CHST11: variants seen among roughly 807,000 people sequenced by gnomAD.
CHST11 encodes carbohydrate sulfotransferase 11.
Under a neutral mutation model 30.4 loss-of-function variants are expected in CHST11, and 9 were observed. The ratio of observed to expected loss-of-function variants is 0.30; its 90% CI spans 0.18 to 0.52. CHST11 has a LOEUF of 0.52. Among genes scored for constraint, CHST11 ranks in the 20% least tolerant of loss-of-function variants. CHST11 has a pLI of 0.97. For synonymous variants in CHST11, 152 were observed against 187.8 expected (o/e 0.81, Z 1.56); for missense variants, 348 against 460.6 (o/e 0.76, Z 2.24).
At chr12:104,695,972 CACTTTG>C (rs2039940639) in intron 2 of CHST11, among the ~76,000 whole-genome samples, 1 of 152,224 alleles carries the variant, frequency 6.6e-6, no homozygotes, top group African/African-American at 2.4e-5. Context: ...CTCCCACCCC[CACTTTG>C]GCAGGGCTGC....
intron 2 of CHST11, among the ~76,000 whole-genome samples, chr12:104,747,181 G>C (rs889894512): frequency 2.0e-5 from 3 of 152,228 alleles, no homozygotes; most frequent in Non-Finnish European, 4.4e-5. Context: ...CTAGGGTTGA[G>C]ACCCACGCCT....
chr12:104,510,336 GC>G (rs1453556376), intron 1 of CHST11, among the ~76,000 whole-genome samples: 1 of 152,194 alleles, frequency 6.6e-6, no homozygotes, highest in African/African-American at 2.4e-5. Flanking sequence ...CTAAAAGGGG[GC>G]CCTTGAACCA....
intron 2 of CHST11, among the ~76,000 whole-genome samples, chr12:104,736,760 C>G (rs547236420): frequency 4.6e-5 from 7 of 152,316 alleles, no homozygotes; most frequent in African/African-American, 1.7e-4. Flanking sequence ...TGAACTCCAT[C>G]CAGGTGTCCA....
intron 1 of CHST11, among the ~76,000 whole-genome samples, chr12:104,563,598 C>A (rs900978137): frequency 4.6e-5 from 7 of 152,176 alleles, no homozygotes; most frequent in African/African-American, 1.7e-4. Flanking sequence ...GTCATAATAG[C>A]CTTTTCATCC....
chr12:104,663,620 G>C lies in CHST11; in HGVS notation c.204+61629G>C, dbSNP rs78899735. On this transcript the variant is annotated intron_variant, in intron 2 of 2. Transcript: ENST00000303694. ...ACATTCAACTGCTTTGCTTAGACTGGTGTTCAAAGGGGGCTCATACAGACC... is the reference window on the plus strand; with the variant it reads ...ACATTCAACTGCTTTGCTTAGACTGCTGTTCAAAGGGGGCTCATACAGACC... 7.0e-3 allele frequency among the ~76,000 whole-genome samples: 1,065 copies of C among 152,178 alleles called. 41 individuals are homozygous for C. In the East Asian group the frequency reaches 0.12, roughly 16 times the overall value.
chr12:104,623,569 G>A (rs2114879), intron 2 of CHST11, among the ~76,000 whole-genome samples: 48,660 of 151,900 alleles, frequency 0.32, 8,172 homozygotes, highest in East Asian at 0.53. Context: ...AATTAGCCAG[G>A]CATGGTGGCA....
chr12:104,623,238 G>A (rs928622057), intron 2 of CHST11, among the ~76,000 whole-genome samples: 1 of 152,230 alleles, frequency 6.6e-6, no homozygotes, highest in African/African-American at 2.4e-5. Flanking sequence ...TCTTGAGCAA[G>A]TCAGGAAGGC....
intron 1 of CHST11, among the ~76,000 whole-genome samples, chr12:104,577,529 C>A (rs894355713): frequency 6.6e-6 from 1 of 152,056 alleles, no homozygotes; most frequent in Non-Finnish European, 1.5e-5. Context: ...TCTGTACTTT[C>A]TTAGGCAACT....
At chr12:104,565,090 C>G (rs1051270532) in intron 1 of CHST11, among the ~76,000 whole-genome samples, 1 of 151,930 alleles carries the variant, frequency 6.6e-6, no homozygotes, top group Admixed American at 6.6e-5. Context: ...TATTTTCCCC[C>G]CAATAAGATA....
intron 2 of CHST11, among the ~76,000 whole-genome samples, chr12:104,627,840 T>A (rs2039231751): frequency 6.6e-6 from 1 of 152,172 alleles, no homozygotes; most frequent in Non-Finnish European, 1.5e-5. Context: ...GTGGGTGTGG[T>A]GGTGATAACT....
chr12:104,619,825 C>A (rs1318727817), intron 2 of CHST11, among the ~76,000 whole-genome samples: 1 of 152,190 alleles, frequency 6.6e-6, no homozygotes, highest in Non-Finnish European at 1.5e-5. Flanking sequence ...TCATGCTAAG[C>A]CCATGGTTTT....
At chr12:104,557,054 A>C in intron 1 of CHST11, among the ~76,000 whole-genome samples, 1 of 152,060 alleles carries the variant, frequency 6.6e-6, no homozygotes, top group South Asian at 2.1e-4. Flanking sequence ...TAGGGCTCAC[A>C]CTACTCCAGT....
At position 104,681,391 on chromosome 12, in the gene CHST11, T is replaced by C. The variant is rs188940216; in HGVS notation, c.205-75558T>C. 2.6e-4 allele frequency among the ~76,000 whole-genome samples: 40 copies of C among 152,276 alleles called. No homozygotes were observed. The East Asian group carries it at 6.2e-3, about 23-fold the overall frequency. ...ATGTGAAAGTTCCAGAATGGATAAA[T>C]CTATAGAGACAGAAACTAGATTAGT... On this transcript the variant is annotated intron_variant, in intron 2 of 2. Transcript: ENST00000303694.
intron 2 of CHST11, among the ~76,000 whole-genome samples, chr12:104,603,422 A>C (rs765629706): frequency 2.0e-5 from 3 of 152,178 alleles, no homozygotes; most frequent in Non-Finnish European, 4.4e-5. Context: ...ATCTGAAGTC[A>C]CCGCCCCTGT....
intron 1 of CHST11, among the ~76,000 whole-genome samples, chr12:104,515,824 G>A (rs750154710): frequency 1.1e-4 from 16 of 152,184 alleles, no homozygotes; most frequent in Non-Finnish European, 1.9e-4. Flanking sequence ...CTGGGGCAGC[G>A]GGGAGTCTGC....
chr12:104,724,252 G>T (rs960518721), intron 2 of CHST11, among the ~76,000 whole-genome samples: 1 of 152,084 alleles, frequency 6.6e-6, no homozygotes, highest in Non-Finnish European at 1.5e-5. Flanking sequence ...TGTATCTGAC[G>T]GCACCCGGAG....
intron 1 of CHST11, among the ~76,000 whole-genome samples, chr12:104,485,613 G>A (rs903423464): frequency 2.0e-5 from 3 of 152,202 alleles, no homozygotes; most frequent in East Asian, 1.9e-4. Context: ...AGAAACAATC[G>A]GTTTAGACTT....
intron 2 of CHST11, among the ~76,000 whole-genome samples, chr12:104,634,131 T>C (rs2039299792): frequency 6.6e-6 from 1 of 152,250 alleles, no homozygotes; most frequent in South Asian, 2.1e-4. Context: ...ATTGCCATTG[T>C]GTTGATGAGT....
intron 1 of CHST11, among the ~76,000 whole-genome samples, chr12:104,498,344 G>A (rs887112525): frequency 6.6e-6 from 1 of 152,182 alleles, no homozygotes; most frequent in Non-Finnish European, 1.5e-5. Flanking sequence ...TGGGGCAAAT[G>A]TAAGCTTCTC....
Sources: gnomAD v4.1 joint callset for allele counts (sites outside exome capture counted in the v4.1 genomes callset) on GRCh38, gnomAD v4.1.1 for gene constraint, MANE v1.5 for transcripts, NCBI Gene and HGNC (gene_info 2026-07-23, HGNC 2026-07-21) for gene names.